LNX1: variants seen among roughly 807,000 people sequenced by gnomAD.
LNX1 encodes the protein E3 ubiquitin-protein ligase LNX.
LNX1 carries 54 observed loss-of-function variants against 68.4 expected under a neutral mutation model. That is an observed-to-expected ratio of 0.79 (90% CI 0.63 to 0.99). LNX1 has a LOEUF of 0.99. Among genes scored for constraint, LNX1 ranks in the 50% least tolerant of loss-of-function variants. The probability of loss-of-function intolerance (pLI) is 0.00; values close to 1 mark genes in which losing one functional copy is unlikely to be tolerated. For missense variants in LNX1, 906 were observed against 926.4 expected, an observed-to-expected ratio of 0.98 and a Z score of 0.29; for synonymous variants, 336 against 350.0, an observed-to-expected ratio of 0.96 and a Z score of 0.45.
chr4:53,576,473 G>A, intron 1 of LNX1: 1 of 1,330,890 alleles, frequency 7.5e-7, no homozygotes. Context: ...TCCCAGGACA[G>A]CCCTGCCCTT....
At position 53,466,514 on chromosome 4, in the gene LNX1, G is replaced by C. The variant is rs143771450; in HGVS notation, c.1893-4921C>G. On this transcript the variant is annotated intron_variant, in intron 9 of 10. Coordinates refer to ENST00000263925, the MANE Select transcript of LNX1 (RefSeq NM_001126328.3). ...TGCAGGACAGTGGGTGCAGCACACC[G>C]AGCACGAGCCAAAGCAGGGCAAGGC... Among the ~76,000 whole-genome samples the C allele has an allele frequency of 8.3e-4, 127 of 152,274 alleles. No homozygotes were observed. In the Middle Eastern group the frequency reaches 0.014, roughly 16 times the overall value.
chr4:53,572,692 C>G (rs966366156), intron 2 of LNX1, among the ~76,000 whole-genome samples: 25 of 152,122 alleles, frequency 1.6e-4, no homozygotes, highest in African/African-American at 5.8e-4. Context: ...AAGAACATGA[C>G]AATGTAAGTG....
intron 4 of LNX1, among the ~76,000 whole-genome samples, chr4:53,506,124 A>C (rs1230000582): frequency 6.6e-6 from 1 of 152,202 alleles, no homozygotes; most frequent in Non-Finnish European, 1.5e-5. Flanking sequence ...ATAACCCAGG[A>C]GCTAAGAGAG....
intron 1 of LNX1, among the ~76,000 whole-genome samples, chr4:53,585,922 A>G (rs1732145117): frequency 6.6e-6 from 1 of 152,128 alleles, no homozygotes; most frequent in Admixed American, 6.6e-5. Flanking sequence ...TCCTGCAGGA[A>G]TGGGGTGAAT....
intron 2 of LNX1, among the ~76,000 whole-genome samples, chr4:53,571,237 C>T (rs1214505200): frequency 6.6e-6 from 1 of 151,930 alleles, no homozygotes; most frequent in Non-Finnish European, 1.5e-5. Context: ...CCAAATTGGT[C>T]TCAAACTCCT....
intron 2 of LNX1, among the ~76,000 whole-genome samples, chr4:53,519,378 T>C (rs1398209838): frequency 1.3e-5 from 2 of 151,928 alleles, no homozygotes; most frequent in Non-Finnish European, 2.9e-5. Flanking sequence ...TTCTCTCCTG[T>C]TAATAACAGC....
chr4:53,562,532 T>A (rs1730360878), intron 2 of LNX1, among the ~76,000 whole-genome samples: 2 of 152,220 alleles, frequency 1.3e-5, no homozygotes, highest in Admixed American at 1.3e-4. Flanking sequence ...TTTGCTCAAG[T>A]ATTTATATTT....
At chr4:53,541,964 G>A (rs182272857) in intron 2 of LNX1, among the ~76,000 whole-genome samples, 50 of 152,322 alleles carry the variant, frequency 3.3e-4, no homozygotes, top group Admixed American at 6.5e-4. Context: ...TAAATCAGCT[G>A]CTCCAGATGA....
intron 1 of LNX1, among the ~76,000 whole-genome samples, chr4:53,630,301 T>A (rs1734222176): frequency 6.6e-6 from 1 of 152,172 alleles, no homozygotes; most frequent in Non-Finnish European, 1.5e-5. Flanking sequence ...CTTGCTAAAA[T>A]TTTTTTGTAA....
At chr4:53,526,843 ACT>A (rs1727643209) in intron 2 of LNX1, among the ~76,000 whole-genome samples, 1 of 151,652 alleles carries the variant, frequency 6.6e-6, no homozygotes, top group African/African-American at 2.4e-5. Flanking sequence ...AATGGTTGAA[ACT>A]CTGTCTTAAA....
chr4:53,481,807 C>T lies in LNX1; in HGVS notation c.1398G>A (p.Gln466=), dbSNP rs1189932267. ...CTTCCTGAAAGATGTCAGGGCTCCG[C>T]TGCCGAACCTGGCGGGACACGACGA... ...VHLVVSRQVR[Q]RSPDIFQEAG... The change falls in exon 7 of 11, where the codon CAG becomes CAA. Residue 466 remains glutamine, a synonymous_variant. Transcript: ENST00000263925. 6.2e-7 allele frequency: 1 copy of T among 1,613,280 alleles called. No individual in the cohort carries two copies. The highest frequency in any genetic ancestry group is 8.5e-7 in the Non-Finnish European group (1 of 1,179,544).
intron 2 of LNX1, chr4:53,523,420 G>A (rs1347107004): frequency 2.0e-5 from 3 of 152,264 alleles, no homozygotes; most frequent in Non-Finnish European, 2.9e-5. Context: ...CTGAGTAGTT[G>A]GGACTACAGG....
chr4:53,499,259 A>G (rs1725300375), intron 4 of LNX1, among the ~76,000 whole-genome samples: 2 of 152,152 alleles, frequency 1.3e-5, no homozygotes, highest in Non-Finnish European at 1.5e-5. Flanking sequence ...CCTGAGCTCA[A>G]GTGATCTTCC....
At chr4:53,560,241 C>T (rs1482450868) in intron 2 of LNX1, among the ~76,000 whole-genome samples, 5 of 152,090 alleles carry the variant, frequency 3.3e-5, no homozygotes, top group African/African-American at 4.8e-5. Flanking sequence ...GTATTTCTGA[C>T]GATCTTGGAC....
intron 2 of LNX1, among the ~76,000 whole-genome samples, chr4:53,612,542 T>C (rs1338138063): frequency 6.6e-6 from 1 of 152,100 alleles, no homozygotes; most frequent in African/African-American, 2.4e-5. Context: ...AATACAGTCA[T>C]TAAGAATAAA....
intron 2 of LNX1, among the ~76,000 whole-genome samples, chr4:53,532,860 C>T (rs1388429058): frequency 1.3e-5 from 2 of 152,154 alleles, no homozygotes; most frequent in Non-Finnish European, 2.9e-5. Context: ...AGGAACACTG[C>T]AGGCTGCCCA....
intron 4 of LNX1, among the ~76,000 whole-genome samples, chr4:53,503,254 T>A (rs1322124365): frequency 1.3e-5 from 2 of 152,228 alleles, no homozygotes; most frequent in Non-Finnish European, 2.9e-5. Context: ...CTTAATGGCA[T>A]GTAGAAGGGT....
chr4:53,515,797 T>C (rs1239528954), intron 2 of LNX1, among the ~76,000 whole-genome samples: 1 of 152,206 alleles, frequency 6.6e-6, no homozygotes, highest in Non-Finnish European at 1.5e-5. Flanking sequence ...CTTTCACTTC[T>C]AAAGAATCTG....
chr4:53,470,872 C>G (rs1560613151), intron 9 of LNX1, among the ~76,000 whole-genome samples: 1 of 152,008 alleles, frequency 6.6e-6, no homozygotes, highest in Non-Finnish European at 1.5e-5. Flanking sequence ...ATTCCATGCT[C>G]ATGGGTAGGA....
Sources: allele counts gnomAD v4.1 joint callset (sites outside exome capture counted in the v4.1 genomes callset), GRCh38; gene constraint gnomAD v4.1.1; transcripts MANE v1.5; gene names NCBI Gene and HGNC (gene_info 2026-07-23, HGNC 2026-07-21).